The following DLC1 variants were observed in gnomAD, a reference collection of about 807,000 sequenced individuals.
DLC1 encodes DLC1 Rho GTPase activating protein.
In DLC1, 54 loss-of-function variants were observed where a neutral mutation model predicts 140.3. The ratio of observed to expected loss-of-function variants is 0.38; its 90% CI spans 0.31 to 0.48. The LOEUF is 0.48. Among genes scored for constraint, DLC1 ranks in the 20% least tolerant of loss-of-function variants. The pLI is 0.96. For missense variants in DLC1, 2,536 were observed against 1,907.0 expected, an observed-to-expected ratio of 1.33 and a Z score of -6.14; for synonymous variants, 986 against 728.1, an observed-to-expected ratio of 1.35 and a Z score of -5.70.
intron 4 of DLC1, among the ~76,000 whole-genome samples, chr8:13,327,852 C>A (rs935452340): frequency 1.3e-5 from 2 of 152,088 alleles, no homozygotes; most frequent in East Asian, 3.9e-4. Context: ...GAGAGTGTTA[C>A]AAAGAAAAGT....
chr8:13,198,741 G>A (rs1827209085), intron 5 of DLC1, among the ~76,000 whole-genome samples: 1 of 143,058 alleles, frequency 7.0e-6, no homozygotes, highest in Non-Finnish European at 1.5e-5. Context: ...TTTTTGAAAT[G>A]GAGTCTCGCT....
intron 10 of DLC1, 95 bp downstream of exon 10, chr8:13,098,304 G>A (rs1256032280): frequency 2.1e-6 from 3 of 1,405,274 alleles, no homozygotes; most frequent in African/African-American, 2.9e-5. Context: ...ATTAATAAAG[G>A]AGAGAAGTGT....
chr8:13,510,479 G>C (rs923680957), intron 1 of DLC1, among the ~76,000 whole-genome samples: 6 of 152,000 alleles, frequency 3.9e-5, no homozygotes, highest in African/African-American at 7.2e-5. Context: ...TTTAAACAAG[G>C]ACTTGTTGAT....
chr8:13,599,437 A>G (rs1805799058), intron 1 of DLC1, among the ~76,000 whole-genome samples: 1 of 152,018 alleles, frequency 6.6e-6, no homozygotes, highest in South Asian at 2.1e-4. Context: ...TGTTAGGATG[A>G]AGTGGTTCTT....
chr8:13,205,265 T>C (rs1023206511), intron 5 of DLC1, among the ~76,000 whole-genome samples: 3 of 152,220 alleles, frequency 2.0e-5, no homozygotes, highest in African/African-American at 7.2e-5. Context: ...CCCCGGCAAT[T>C]GTGCAAGATG....
chr8:13,567,676 G>C lies in DLC1; in HGVS notation c.-126+36861C>G. The C allele has an allele frequency of 3.2e-6, 5 of 1,551,906 alleles. No individual in the cohort carries two copies. The South Asian group carries it at 4.8e-5, about 15-fold the overall frequency. ...TTTACTGGAGTCATTTCTACTCCAAGAGAGAATAGATGAACATCTTCATAC... is the reference window on the plus strand; with the variant it reads ...TTTACTGGAGTCATTTCTACTCCAACAGAGAATAGATGAACATCTTCATAC... On this transcript the variant is annotated intron_variant, in intron 1 of 1. Coordinates refer to the DLC1 transcript ENST00000631382.
chr8:13,500,254 A>G (rs560614580), intron 1 of DLC1, 58 bp from the exon 2 acceptor site: 1 of 534,828 alleles, frequency 1.9e-6, no homozygotes, highest in East Asian at 2.9e-5. Flanking sequence ...GTCAAAATAT[A>G]TCTTAGAAAA....
In DLC1 at chr8:13,115,624, C is replaced by T. The variant is rs757712242; in HGVS notation, c.1382G>A (p.Arg461Gln). The T allele has an allele frequency of 2.9e-5, 47 of 1,613,736 alleles. No individual in the cohort carries two copies. The highest frequency in any genetic ancestry group is 3.6e-5 in the Non-Finnish European group (43 of 1,179,908). ...IEAKEACDWL[R>Q]ATGFPQYAQL... is the part of the protein sequence containing the mutation. Reference sequence around the variant, plus strand: ...TGCATACTGGGGGAAACCAGTTGCCCGTAGCCAATCACAAGCTTCCTTGGC... The same window carrying T: ...TGCATACTGGGGGAAACCAGTTGCCTGTAGCCAATCACAAGCTTCCTTGGC... Residue 461 changes from arginine to glutamine, a missense_variant, in exon 6 of 18, where the codon CGG becomes CAG. Transcript: ENST00000276297.
intron 5 of DLC1, among the ~76,000 whole-genome samples, chr8:13,172,527 A>G (rs1318455612): frequency 6.6e-6 from 1 of 152,218 alleles, no homozygotes; most frequent in African/African-American, 2.4e-5. Context: ...CCCTCAATAA[A>G]TGTTAACCGT....
At position 13,110,776 on chromosome 8, in the gene DLC1, A is replaced by C; in HGVS notation, c.1468T>G (p.Phe490Val). Residue 490 changes from phenylalanine (F) to valine (V), a missense_variant, in exon 7 of 18, where the codon TTT (phenylalanine) becomes GTT (valine). Transcript: ENST00000276297. The part of the protein sequence containing the change: ...DISLVKREHD[F>V]LDRDAIEALC... ...GCCTCAATGGCATCTCTGTCCAAAA[A>C]ATCATGCTCTCTCTTGACCAAGGAA... 1 of 1,614,084 alleles carries C rather than the reference A, an allele frequency of 6.2e-7. No homozygotes were observed. Among genetic ancestry groups the C allele is most frequent in the East Asian group, 2.2e-5 (1 of 44,872 alleles).
chr8:13,523,716 G>C (rs1455239660), intron 1 of DLC1, among the ~76,000 whole-genome samples: 5 of 151,888 alleles, frequency 3.3e-5, no homozygotes, highest in Admixed American at 6.6e-5. Context: ...AAATTAGCAT[G>C]GTTTAGAAGA....
In DLC1 at chr8:13,499,984, C is replaced by G; in HGVS notation, c.88G>C (p.Ala30Pro). The change falls in exon 2 of 18, where the codon GCA becomes CCA. Residue 30 changes from alanine (A) to proline (P), a missense_variant. Transcript: ENST00000276297. Reference protein sequence around the residue: ...QPFNSDDRNTACHHGLVADSL... With the variant: ...QPFNSDDRNTPCHHGLVADSL... ...TCAGCTACTAGTCCATGATGACATG[C>G]TGTGTTACGATCATCAGAATTAAAA... 6.2e-7 allele frequency: 1 copy of G among 1,614,074 alleles called. No individual in the cohort carries two copies. The highest frequency in any genetic ancestry group is 2.2e-5 in the East Asian group (1 of 44,872).
At chr8:13,430,529 T>C (rs1404377115) in intron 2 of DLC1, among the ~76,000 whole-genome samples, 1 of 152,188 alleles carries the variant, frequency 6.6e-6, no homozygotes, top group East Asian at 1.9e-4. Flanking sequence ...AAAAATGATT[T>C]TTAGGTTATA....
At position 13,272,393 on chromosome 8, in the gene DLC1, A is replaced by G. The variant is rs191600586; in HGVS notation, c.1348+32876T>C. On this transcript the variant is annotated intron_variant, in intron 5 of 17. Coordinates refer to ENST00000276297, the MANE Select transcript of DLC1 (RefSeq NM_182643.3). ...GAGGTGGAGGTTGCAGTGAGCGGAG[A>G]TCATGCCACTGCACTCCAGCCTGGG... Among the ~76,000 whole-genome samples, 1,079 of 152,116 alleles carry G rather than the reference A, an allele frequency of 7.1e-3. 6 individuals are homozygous for G. The highest frequency in any genetic ancestry group is 0.015 in the South Asian group (70 of 4,820).
chr8:13,413,245 A>AT (rs1180559266), intron 2 of DLC1, among the ~76,000 whole-genome samples: 6 of 51,024 alleles, frequency 1.2e-4, no homozygotes, highest in East Asian at 7.4e-4. Flanking sequence ...ACATTATGAG[A>AT]TTTTTTTGCG....
chr8:13,598,725 T>C (rs1309403549), intron 1 of DLC1, among the ~76,000 whole-genome samples: 2 of 152,066 alleles, frequency 1.3e-5, no homozygotes, highest in African/African-American at 2.4e-5. Context: ...ATAATTAGTA[T>C]TTAATTAATC....
chr8:13,208,474 T>C lies in DLC1; in HGVS notation c.1349-92817A>G, dbSNP rs549019345. Among the ~76,000 whole-genome samples, 5 of 152,306 alleles carry C rather than the reference T, an allele frequency of 3.3e-5. No individual in the cohort carries two copies. The South Asian group carries it at 1.0e-3, about 32-fold the overall frequency. Reference sequence around the variant, plus strand: ...TTGTTTACCAGTAGAAACTATTCTATTTTACAAAAATGTAGCAAATTCACA... The same window carrying C: ...TTGTTTACCAGTAGAAACTATTCTACTTTACAAAAATGTAGCAAATTCACA... On this transcript the variant is annotated intron_variant, in intron 5 of 17. Coordinates refer to ENST00000276297, the MANE Select transcript of DLC1 (RefSeq NM_182643.3).
chr8:13,372,696 A>C (rs1251604827), intron 4 of DLC1, among the ~76,000 whole-genome samples: 1 of 152,208 alleles, frequency 6.6e-6, no homozygotes, highest in Admixed American at 6.5e-5. Context: ...TTGATAGTGG[A>C]AAGTTCAAGG....
intron 2 of DLC1, among the ~76,000 whole-genome samples, chr8:13,447,336 C>T (rs79875746): frequency 0.02 from 3,063 of 152,254 alleles, 91 homozygotes; most frequent in African/African-American, 0.069. Flanking sequence ...CTTATTAAGG[C>T]ATACGATTTA....
Sources: gnomAD v4.1 joint callset for allele counts (sites outside exome capture counted in the v4.1 genomes callset) on GRCh38, gnomAD v4.1.1 for gene constraint, MANE v1.5 for transcripts, NCBI Gene and HGNC (gene_info 2026-07-23, HGNC 2026-07-21) for gene names.